Variants in SAE1 observed in about 807,000 individuals in gnomAD.
SAE1 encodes the protein SUMO1 activating enzyme subunit 1.
In SAE1, 11 loss-of-function variants were observed where a neutral mutation model predicts 40.6. The ratio of observed to expected loss-of-function variants is 0.27; its 90% confidence interval spans 0.17 to 0.45. The LOEUF (loss-of-function observed/expected upper bound fraction) is 0.45. Among genes scored for constraint, SAE1 ranks in the 20% least tolerant of loss-of-function variants. SAE1 has a pLI of 1.00. For synonymous variants in SAE1, 155 were observed against 154.3 expected (o/e 1.00, Z -0.03); for missense variants, 373 against 427.3 (o/e 0.87, Z 1.12).
chr19:47,168,377 C>T (rs746899632), intron 5 of SAE1, among the ~76,000 whole-genome samples: 1 of 151,802 alleles, frequency 6.6e-6, no homozygotes, highest in Non-Finnish European at 1.5e-5. Flanking sequence ...CGATCTGGCT[C>T]ACTGCAGCCT....
At chr19:47,189,868 TAACA>T (rs909635497) in intron 6 of SAE1, among the ~76,000 whole-genome samples, 6 of 152,196 alleles carry the variant, frequency 3.9e-5, no homozygotes, top group South Asian at 2.1e-4. Context: ...GAAGTTTATG[TAACA>T]AACAGTGATT....
chr19:47,133,216 C>G (rs1008145848), intron 1 of SAE1, among the ~76,000 whole-genome samples: 2 of 152,266 alleles, frequency 1.3e-5, no homozygotes, highest in South Asian at 2.1e-4. Flanking sequence ...GTAACATGAT[C>G]TGTTTTTTGT....
At chr19:47,164,748 A>G (rs1261210242) in intron 5 of SAE1, among the ~76,000 whole-genome samples, 6 of 145,958 alleles carry the variant, frequency 4.1e-5, no homozygotes. Context: ...TCCCAGGTTC[A>G]AGCGATTCTC....
chr19:47,168,469 A>G (rs1413459038), intron 5 of SAE1, among the ~76,000 whole-genome samples: 1 of 151,978 alleles, frequency 6.6e-6, no homozygotes, highest in East Asian at 1.9e-4. Context: ...GCACCCAGCT[A>G]ACTTGTAGAG....
intron 8 of SAE1, among the ~76,000 whole-genome samples, chr19:47,208,373 C>T (rs903294359): frequency 2.0e-5 from 3 of 152,180 alleles, no homozygotes; most frequent in African/African-American, 7.2e-5. Flanking sequence ...GATCCTCCCA[C>T]CTCAGCCTCC....
rs2058297230 is a variant in SAE1 at position 47,153,049 on chromosome 19, T to C, written c.527+9T>C. 5 of 1,603,688 alleles carry C rather than the reference T, an allele frequency of 3.1e-6. No individual in the cohort carries two copies. The African/African-American group carries it at 5.4e-5, about 17-fold the overall frequency. Reference sequence around the variant, plus strand: ...GAGCATGAGTTTGTAGAGTAAGTGTTGGGAGAGGAGGGGAGAACATAACAT... The same window carrying C: ...GAGCATGAGTTTGTAGAGTAAGTGTCGGGAGAGGAGGGGAGAACATAACAT... On this transcript the variant is annotated intron_variant, in intron 4 of 8. Transcript: ENST00000270225.
intron 6 of SAE1, among the ~76,000 whole-genome samples, chr19:47,172,889 C>A (rs1471144179): frequency 6.6e-6 from 1 of 152,126 alleles, no homozygotes; most frequent in Admixed American, 6.6e-5. Flanking sequence ...GGCCCTCAGG[C>A]AAGTGCTATT....
chr19:47,147,217 T>G (rs1345577967), intron 2 of SAE1, among the ~76,000 whole-genome samples: 3 of 141,864 alleles, frequency 2.1e-5, no homozygotes, highest in African/African-American at 5.3e-5. Flanking sequence ...TTTTTTTTTT[T>G]TTTTTTTTTT....
chr19:47,148,905 C>T (rs1488200535), intron 2 of SAE1, among the ~76,000 whole-genome samples: 1 of 151,764 alleles, frequency 6.6e-6, no homozygotes, highest in African/African-American at 2.4e-5. Context: ...TGAGCCACCG[C>T]ACCTGGCCAT....
rs2123165202 is a variant in SAE1 at position 47,131,040 on chromosome 19, C to T, written c.98+12C>T. The T allele has an allele frequency of 1.3e-6, 2 of 1,517,708 alleles. No homozygotes were observed. The highest frequency in any genetic ancestry group is 1.8e-6 in the Non-Finnish European group (2 of 1,131,736). The allele number at this position is 1,517,708 out of a possible 1,614,324, so 94.0% of individuals were successfully genotyped here. ...GAGGCCCAGAAACGGTCAGGGCCGG[C>T]GCGGCTTGAGGCCGCTAGGGTCTGG... is the stretch of plus-strand genomic sequence containing the variant. On this transcript the variant is annotated intron_variant, in intron 1 of 8. Transcript: ENST00000270225.
Position 47,167,529 on chromosome 19 carries a change from T to C in SAE1, c.628-2289T>C, listed in dbSNP as rs529756936. Among the ~76,000 whole-genome samples the C allele has an allele frequency of 8.1e-3, 1,231 of 152,274 alleles. 5 individuals are homozygous for C. The highest frequency in any genetic ancestry group is 0.013 in the Non-Finnish European group (892 of 68,020). ...TGCTGGGATTACAGGTGTGAGCCACTGCGCCCAGCCAACAATTTGAACTTT... is the reference window on the plus strand; with the variant it reads ...TGCTGGGATTACAGGTGTGAGCCACCGCGCCCAGCCAACAATTTGAACTTT... On this transcript the variant is annotated intron_variant, in intron 5 of 8. Transcript: ENST00000270225.
intron 6 of SAE1, among the ~76,000 whole-genome samples, chr19:47,174,563 ATTTTTT>A (rs71180803): frequency 1.1e-4 from 10 of 88,508 alleles, no homozygotes; most frequent in South Asian, 7.6e-4. Context: ...CGCCTGGCAA[ATTTTTT>A]TTTTTTTTTT....
chr19:47,152,798 G>A (rs1183107859), intron 3 of SAE1, 100 bp from the exon 4 acceptor site: 1 of 1,149,684 alleles, frequency 8.7e-7, no homozygotes, highest in Non-Finnish European at 1.2e-6. Context: ...CATGCTTTGA[G>A]CATGCCCAGA....
intron 3 of SAE1, among the ~76,000 whole-genome samples, chr19:47,151,412 A>T (rs184562450): frequency 1.3e-5 from 2 of 151,854 alleles, no homozygotes; most frequent in Admixed American, 1.3e-4. Context: ...CGGCCTCCCA[A>T]AGTGGTGGGA....
intron 6 of SAE1, among the ~76,000 whole-genome samples, chr19:47,184,595 G>A (rs969775579): frequency 6.6e-6 from 1 of 151,968 alleles, no homozygotes; most frequent in Non-Finnish European, 1.5e-5. Context: ...ATTTTTAGTA[G>A]AGATGGGGTT....
intron 5 of SAE1, among the ~76,000 whole-genome samples, chr19:47,155,770 A>G (rs2058319982): frequency 8.1e-6 from 1 of 124,140 alleles, no homozygotes; most frequent in Non-Finnish European, 1.7e-5. Flanking sequence ...TTTTTTTGAG[A>G]TGGAGTCTTG....
intron 5 of SAE1, among the ~76,000 whole-genome samples, chr19:47,164,457 A>G (rs1248023626): frequency 6.7e-6 from 1 of 150,360 alleles, no homozygotes; most frequent in African/African-American, 2.4e-5. Context: ...ATGAGCCACC[A>G]CGTCTGGCCT....
intron 7 of SAE1, among the ~76,000 whole-genome samples, chr19:47,202,650 A>G (rs2058661920): frequency 6.7e-6 from 1 of 150,192 alleles, no homozygotes; most frequent in South Asian, 2.2e-4. Flanking sequence ...GCAGTGGCTC[A>G]CACCTGTAAT....
intron 5 of SAE1, among the ~76,000 whole-genome samples, chr19:47,166,993 C>T (rs970274394): frequency 6.6e-6 from 1 of 151,958 alleles, no homozygotes; most frequent in African/African-American, 2.4e-5. Context: ...ACCTTGTTGC[C>T]CAGGCTGGAG....
Sources: allele counts gnomAD v4.1 joint callset (sites outside exome capture counted in the v4.1 genomes callset), GRCh38; gene constraint gnomAD v4.1.1; transcripts MANE v1.5; gene names NCBI Gene and HGNC (gene_info 2026-07-23, HGNC 2026-07-21).